ZBTB20: variants seen among roughly 807,000 people sequenced by gnomAD.
The protein encoded by ZBTB20 is zinc finger and BTB domain containing 20, also known as zinc finger and BTB domain-containing protein 20.
A neutral mutation model predicts 56.9 loss-of-function variants in ZBTB20; 9 were observed. The ratio of observed to expected loss-of-function variants is 0.16; its 90% CI spans 0.10 to 0.28. The LOEUF is 0.28. Among genes scored for constraint, ZBTB20 ranks in the 10% least tolerant of loss-of-function variants. The pLI is 1.00. For missense variants in ZBTB20, 655 were observed against 1,003.0 expected (o/e 0.65, Z 4.69); for synonymous variants, 417 against 420.7 (o/e 0.99, Z 0.11).
At chr3:114,711,954 C>T (rs570536303) in intron 5 of ZBTB20, among the ~76,000 whole-genome samples, 133 of 152,292 alleles carry the variant, frequency 8.7e-4, no homozygotes, top group Non-Finnish European at 1.4e-3. Flanking sequence ...AAAAACTCAT[C>T]GTGAAGGACC....
intron 4 of ZBTB20, among the ~76,000 whole-genome samples, chr3:114,867,871 T>C (rs768760927): frequency 1.3e-5 from 2 of 152,226 alleles, no homozygotes; most frequent in South Asian, 2.1e-4. Context: ...AGCTTTCTAA[T>C]ATATGCGAGT....
chr3:114,696,785 C>T (rs1178118270), intron 5 of ZBTB20, among the ~76,000 whole-genome samples: 1 of 151,430 alleles, frequency 6.6e-6, no homozygotes, highest in South Asian at 2.1e-4. Context: ...TGGGAAGGAG[C>T]GAAGGGCTAC....
At chr3:114,789,796 C>T (rs1049645084) in intron 5 of ZBTB20, among the ~76,000 whole-genome samples, 3 of 151,940 alleles carry the variant, frequency 2.0e-5, no homozygotes, top group African/African-American at 4.8e-5. Flanking sequence ...AAATGGTCTG[C>T]GGAAGTCATG....
chr3:115,131,396 T>C (rs2084501815), intron 1 of ZBTB20, among the ~76,000 whole-genome samples: 1 of 152,212 alleles, frequency 6.6e-6, no homozygotes, highest in South Asian at 2.1e-4. Flanking sequence ...CTCTTCTCAC[T>C]CATAAGAAAC....
chr3:114,830,901 T>C (rs565328399), intron 4 of ZBTB20, among the ~76,000 whole-genome samples: 1 of 151,970 alleles, frequency 6.6e-6, no homozygotes, highest in South Asian at 2.1e-4. Context: ...TCACACAGCC[T>C]GAATACAAAA....
At chr3:115,048,179 C>T (rs987718710) in intron 2 of ZBTB20, among the ~76,000 whole-genome samples, 2 of 151,986 alleles carry the variant, frequency 1.3e-5, no homozygotes, top group Admixed American at 6.6e-5. Context: ...GAGCTGAGTT[C>T]GCGCCACTGC....
At chr3:114,782,257 G>T (rs1426831286) in intron 5 of ZBTB20, among the ~76,000 whole-genome samples, 1 of 152,152 alleles carries the variant, frequency 6.6e-6, no homozygotes, top group African/African-American at 2.4e-5. Context: ...GACAAAAACT[G>T]TCCCATTCAC....
intron 2 of ZBTB20, among the ~76,000 whole-genome samples, chr3:114,992,250 G>C (rs2078847664): frequency 6.6e-6 from 1 of 151,656 alleles, no homozygotes; most frequent in Non-Finnish European, 1.5e-5. Flanking sequence ...GAAAAATTAG[G>C]GCAACATGAT....
intron 6 of ZBTB20, among the ~76,000 whole-genome samples, chr3:114,545,995 C>G (rs2049833712): frequency 6.6e-6 from 1 of 152,114 alleles, no homozygotes; most frequent in Non-Finnish European, 1.5e-5. Flanking sequence ...AAACTTGAGA[C>G]AGTCAGCTTA....
chr3:114,417,130 T>C (rs1419374283), intron 7 of ZBTB20, among the ~76,000 whole-genome samples: 1 of 152,142 alleles, frequency 6.6e-6, no homozygotes, highest in Non-Finnish European at 1.5e-5. Context: ...TTTTCAGTGA[T>C]GTGCAGAATG....
At chr3:114,894,295 A>C (rs1004921136) in intron 4 of ZBTB20, among the ~76,000 whole-genome samples, 8 of 152,216 alleles carry the variant, frequency 5.3e-5, no homozygotes, top group Admixed American at 4.6e-4. Context: ...ATGCATACAT[A>C]TATTGGATAT....
chr3:114,565,052 C>G (rs1027190577), intron 6 of ZBTB20, among the ~76,000 whole-genome samples: 1 of 152,184 alleles, frequency 6.6e-6, no homozygotes, highest in Non-Finnish European at 1.5e-5. Context: ...CCCATCATAA[C>G]AGCATAACAT....
chr3:114,614,284 A>C (rs757438917), intron 6 of ZBTB20, among the ~76,000 whole-genome samples: 2 of 152,232 alleles, frequency 1.3e-5, no homozygotes, highest in African/African-American at 2.4e-5. Context: ...ACATAAAATG[A>C]GAGTATTGGG....
intron 7 of ZBTB20, among the ~76,000 whole-genome samples, chr3:114,495,920 G>C (rs13327046): frequency 6.6e-6 from 1 of 152,154 alleles, no homozygotes; most frequent in African/African-American, 2.4e-5. Context: ...AAGTTGCCAA[G>C]GTGGTTCCTG....
At chr3:114,461,302 C>T (rs7613515) in intron 7 of ZBTB20, among the ~76,000 whole-genome samples, 16,991 of 150,814 alleles carry the variant, frequency 0.11, 1,430 homozygotes, top group East Asian at 0.24. Flanking sequence ...CTCCTCCCCC[C>T]CCCCTCTTTT....
intron 2 of ZBTB20, among the ~76,000 whole-genome samples, chr3:115,053,412 A>C (rs1344851295): frequency 6.6e-6 from 1 of 152,190 alleles, no homozygotes; most frequent in Non-Finnish European, 1.5e-5. Flanking sequence ...AGAATCACTC[A>C]GAATGGCAAG....
intron 2 of ZBTB20, among the ~76,000 whole-genome samples, chr3:115,003,260 T>C (rs1019627383): frequency 2.0e-5 from 3 of 151,602 alleles, no homozygotes; most frequent in Non-Finnish European, 3.0e-5. Flanking sequence ...CCATTAAATG[T>C]ACACCCAGTG....
chr3:114,315,459 T>A lies in ZBTB20; in HGVS notation c.*23546A>T, dbSNP rs2078641772. 1 of 151,982 alleles carries A rather than the reference T, an allele frequency of 6.6e-6. No homozygotes were observed. The highest frequency in any genetic ancestry group is 1.5e-5 in the Non-Finnish European group (1 of 67,974). The allele number at this position is 151,982 out of a possible 1,614,324, so 9.4% of individuals were successfully genotyped here. ...ACACACAGACACTGGAAACACCACT[T>A]GAATGAATGAATGAATGGATATGTA... On this transcript the variant is annotated 3_prime_UTR_variant, in exon 12 of 12. Coordinates refer to ENST00000675478, the MANE Select transcript of ZBTB20 (RefSeq NM_001348800.3).
At chr3:115,072,793 T>C (rs924296746) in intron 1 of ZBTB20, among the ~76,000 whole-genome samples, 3 of 152,204 alleles carry the variant, frequency 2.0e-5, no homozygotes, top group Non-Finnish European at 4.4e-5. Context: ...GCTCTTTTCA[T>C]TGCCCTTAAC....
Sources: allele counts gnomAD v4.1 joint callset (sites outside exome capture counted in the v4.1 genomes callset), GRCh38; gene constraint gnomAD v4.1.1; transcripts MANE v1.5; gene names NCBI Gene and HGNC (gene_info 2026-07-23, HGNC 2026-07-21).